Variants in NALF1 observed in about 807,000 individuals in gnomAD.
NALF1 encodes NALCN channel auxiliary factor 1, also known as family with sequence similarity 155 member A.
In NALF1, 3 loss-of-function variants were observed where a neutral mutation model predicts 48.4. That is an observed-to-expected ratio of 0.06 (90% CI 0.03 to 0.16). The LOEUF (loss-of-function observed/expected upper bound fraction) is 0.16, where lower values mean the gene tolerates loss of function less well. Ranked by LOEUF, NALF1 falls within the 10% of genes least tolerant of loss-of-function variation. The probability of loss-of-function intolerance (pLI) is 1.00; values close to 1 mark genes in which losing one functional copy is unlikely to be tolerated. For missense variants in NALF1, 526 were observed against 571.5 expected, an observed-to-expected ratio of 0.92 and a Z score of 0.81; for synonymous variants, 262 against 245.7, an observed-to-expected ratio of 1.07 and a Z score of -0.62.
intron 1 of NALF1, among the ~76,000 whole-genome samples, chr13:107,548,061 A>C (rs1877181543): frequency 6.6e-6 from 1 of 151,880 alleles, no homozygotes; most frequent in African/African-American, 2.4e-5. Flanking sequence ...TGTACAGATT[A>C]TTTCATCACC....
At chr13:107,758,528 T>G (rs1402386975) in intron 1 of NALF1, among the ~76,000 whole-genome samples, 3 of 152,080 alleles carry the variant, frequency 2.0e-5, no homozygotes, top group East Asian at 3.9e-4. Context: ...GAGACCATCC[T>G]GGCTAACATA....
chr13:107,585,230 GA>G (rs1216886648), intron 1 of NALF1, among the ~76,000 whole-genome samples: 3 of 151,724 alleles, frequency 2.0e-5, no homozygotes, highest in African/African-American at 7.3e-5. Context: ...TCTTTTACCT[GA>G]AAATAGATAC....
At chr13:107,254,073 A>G (rs1594091075) in intron 1 of NALF1, among the ~76,000 whole-genome samples, 2 of 146,570 alleles carry the variant, frequency 1.4e-5, no homozygotes, top group African/African-American at 5.3e-5. Context: ...ATATATATAT[A>G]TATATTAAGC....
intron 1 of NALF1, among the ~76,000 whole-genome samples, chr13:107,479,510 C>T (rs867140904): frequency 1.3e-5 from 2 of 152,110 alleles, no homozygotes; most frequent in Non-Finnish European, 2.9e-5. Flanking sequence ...ACATTTGTTG[C>T]TGGCACATAA....
chr13:107,369,499 G>A (rs1331157365), intron 1 of NALF1, among the ~76,000 whole-genome samples: 1 of 151,942 alleles, frequency 6.6e-6, no homozygotes, highest in Admixed American at 6.6e-5. Flanking sequence ...TACATTCTTT[G>A]TTCTCCTGAA....
intron 2 of NALF1, among the ~76,000 whole-genome samples, chr13:107,175,690 G>T (rs1878912151): frequency 6.6e-6 from 1 of 152,040 alleles, no homozygotes; most frequent in Admixed American, 6.6e-5. Flanking sequence ...TTATTTCTTT[G>T]CCTTATATAG....
chr13:107,269,636 T>G (rs1881114073), intron 1 of NALF1, among the ~76,000 whole-genome samples: 1 of 152,104 alleles, frequency 6.6e-6, no homozygotes, highest in South Asian at 2.1e-4. Flanking sequence ...CATTATATTG[T>G]ACTCTACACA....
chr13:107,436,523 G>A (rs1269735222), intron 1 of NALF1, among the ~76,000 whole-genome samples: 1 of 152,110 alleles, frequency 6.6e-6, no homozygotes, highest in Non-Finnish European at 1.5e-5. Context: ...ACAAAATTCA[G>A]TATCCATTCA....
At chr13:107,383,039 C>T (rs117994381) in intron 1 of NALF1, among the ~76,000 whole-genome samples, 2,137 of 152,224 alleles carry the variant, frequency 0.014, 12 homozygotes, top group Non-Finnish European at 0.023. Context: ...GACATACAAG[C>T]CTTTCTCAGA....
In NALF1 at chr13:107,676,876, G is replaced by A. The variant is rs145196081; in HGVS notation, c.915+188806C>T. The stretch of plus-strand genomic sequence containing the variant: ...ATCATCTCAATAAAGTCAAAGAAAC[G>A]AAGGAGAATAGAATAATAAAATACC... On this transcript the variant is annotated intron_variant, in intron 1 of 2. Transcript: ENST00000375915. Among the ~76,000 whole-genome samples, 32 of 152,050 alleles carry A rather than the reference G, an allele frequency of 2.1e-4. No homozygotes were observed. The South Asian group carries it at 2.9e-3, about 14-fold the overall frequency.
chr13:107,480,859 G>A (rs1461746893), intron 1 of NALF1, among the ~76,000 whole-genome samples: 3 of 151,926 alleles, frequency 2.0e-5, no homozygotes, highest in East Asian at 1.9e-4. Flanking sequence ...ATAGTATTTC[G>A]ACTAAATCTC....
chr13:107,399,851 G>A (rs1883774525), intron 1 of NALF1, among the ~76,000 whole-genome samples: 2 of 151,840 alleles, frequency 1.3e-5, no homozygotes, highest in Admixed American at 1.3e-4. Context: ...AGAATAACGA[G>A]GTACACATAA....
At chr13:107,695,048 C>T (rs553469335) in intron 1 of NALF1, among the ~76,000 whole-genome samples, 3 of 152,252 alleles carry the variant, frequency 2.0e-5, no homozygotes, top group Non-Finnish European at 4.4e-5. Context: ...CCACCTTGGC[C>T]TCCCAACACG....
chr13:107,206,077 C>A (rs1879633468), intron 2 of NALF1, among the ~76,000 whole-genome samples: 2 of 152,128 alleles, frequency 1.3e-5, no homozygotes. Flanking sequence ...CCCAACAGAA[C>A]CCACCTTGAC....
At chr13:107,576,019 T>A (rs2138405836) in intron 1 of NALF1, among the ~76,000 whole-genome samples, 1 of 152,060 alleles carries the variant, frequency 6.6e-6, no homozygotes, top group African/African-American at 2.4e-5. Flanking sequence ...TGTACCTGTG[T>A]CTGTACGTGT....
chr13:107,557,748 C>G (rs1877521595), intron 1 of NALF1, among the ~76,000 whole-genome samples: 1 of 152,124 alleles, frequency 6.6e-6, no homozygotes, highest in Admixed American at 6.5e-5. Flanking sequence ...GGTCCCAAAT[C>G]CCATCTCCAT....
chr13:107,821,154 G>A (rs1879349393), intron 1 of NALF1, among the ~76,000 whole-genome samples: 1 of 152,016 alleles, frequency 6.6e-6, no homozygotes, highest in African/African-American at 2.4e-5. Context: ...TTGTTTATTT[G>A]TAGTTTTGTT....
intron 1 of NALF1, among the ~76,000 whole-genome samples, chr13:107,244,335 T>G (rs1326127761): frequency 1.3e-5 from 2 of 152,248 alleles, no homozygotes; most frequent in Non-Finnish European, 2.9e-5. Context: ...GTGCTGTCAC[T>G]TTCAAGAGTT....
intron 1 of NALF1, among the ~76,000 whole-genome samples, chr13:107,684,220 AG>A (rs1881375920): frequency 6.6e-6 from 1 of 152,210 alleles, no homozygotes; most frequent in Admixed American, 6.5e-5. Context: ...CAAAGGGTGC[AG>A]GGGAGCACCT....
Sources: allele counts gnomAD v4.1 joint callset (sites outside exome capture counted in the v4.1 genomes callset), GRCh38; gene constraint gnomAD v4.1.1; transcripts MANE v1.5; gene names NCBI Gene and HGNC (gene_info 2026-07-23, HGNC 2026-07-21).